KIF27: variants seen among roughly 807,000 people sequenced by gnomAD.
KIF27 encodes the protein kinesin family member 27.
In KIF27, 84 loss-of-function variants were observed where a neutral mutation model predicts 141.8. That is an observed-to-expected ratio of 0.59 (90% CI 0.50 to 0.71). The LOEUF (loss-of-function observed/expected upper bound fraction) is 0.71, where lower values mean the gene tolerates loss of function less well. Among genes scored for constraint, KIF27 ranks in the 30% least tolerant of loss-of-function variants. The probability of loss-of-function intolerance (pLI) is 0.00; values close to 1 mark genes in which losing one functional copy is unlikely to be tolerated. For missense variants in KIF27, 1,306 were observed against 1,628.4 expected (o/e 0.80, Z 3.41); for synonymous variants, 471 against 569.5 (o/e 0.83, Z 2.46).
chr9:83,895,592 T>C (rs1346215284), intron 5 of KIF27, among the ~76,000 whole-genome samples: 1 of 151,804 alleles, frequency 6.6e-6, no homozygotes, highest in South Asian at 2.1e-4. Context: ...TGAGACAAAA[T>C]TCACATACTA....
Position 83,859,204 on chromosome 9 carries a change from T to C in KIF27, c.3102A>G (p.Arg1034=). The C allele has an allele frequency of 6.2e-7, 1 of 1,614,186 alleles. No individual in the cohort carries two copies. Among genetic ancestry groups the C allele is most frequent in the South Asian group, 1.1e-5 (1 of 91,082 alleles). ...TTTTAAGTTTTTCATCCACATTGTG[T>C]CTGCGTTTCTGGAGCTGATCCTTTT... ...QKEKDQLQKR[R]HNVDEKLKNG... is the part of the protein sequence containing the mutation. Residue 1034 remains arginine (R), a synonymous_variant, in exon 14 of 18, where the codon AGA becomes AGG. Transcript: ENST00000297814.
intron 11 of KIF27, among the ~76,000 whole-genome samples, chr9:83,872,256 G>A (rs1950857167): frequency 6.6e-6 from 1 of 152,138 alleles, no homozygotes; most frequent in Non-Finnish European, 1.5e-5. Flanking sequence ...GCAGAGTACG[G>A]TGAGCTGAGA....
chr9:83,871,209 C>CCAGCATAAGT (rs1252563152), intron 11 of KIF27, among the ~76,000 whole-genome samples: 2 of 152,094 alleles, frequency 1.3e-5, no homozygotes, highest in African/African-American at 2.4e-5. Flanking sequence ...GCATAAGTCA[C>CCAGCATAAGT]CATGCTCAGC....
chr9:83,888,941 T>C, intron 7 of KIF27, 143 bp downstream of exon 7: 1 of 888,014 alleles, frequency 1.1e-6, no homozygotes, highest in Non-Finnish European at 1.6e-6. Flanking sequence ...TCATAACACA[T>C]TAGATGATAG....
At chr9:83,906,488 T>A (rs1954549464) in intron 3 of KIF27, among the ~76,000 whole-genome samples, 2 of 151,778 alleles carry the variant, frequency 1.3e-5, no homozygotes, top group African/African-American at 4.8e-5. Flanking sequence ...CCCCTGTAAT[T>A]CTAGCACTTT....
chr9:83,896,068 A>C (rs1458995028), intron 5 of KIF27, among the ~76,000 whole-genome samples: 50 of 149,174 alleles, frequency 3.4e-4, no homozygotes, highest in South Asian at 6.3e-4. Flanking sequence ...AAAAAAAAAA[A>C]AAAAAAACAA....
chr9:83,861,033 A>G (rs918650327), intron 13 of KIF27, among the ~76,000 whole-genome samples: 6 of 152,086 alleles, frequency 3.9e-5, no homozygotes, highest in Non-Finnish European at 8.8e-5. Flanking sequence ...TGAGAAGTCC[A>G]ATGCCATTCT....
intron 2 of KIF27, among the ~76,000 whole-genome samples, chr9:83,910,570 C>G (rs1233341568): frequency 1.3e-5 from 2 of 152,168 alleles, no homozygotes; most frequent in Non-Finnish European, 2.9e-5. Flanking sequence ...CAAGAAAAGA[C>G]AGGGACGTAA....
chr9:83,856,416 G>A lies in KIF27; in HGVS notation c.3151-2581C>T, dbSNP rs541340302. Among the ~76,000 whole-genome samples, 14 of 152,032 alleles carry A rather than the reference G, an allele frequency of 9.2e-5. No homozygotes were observed. In the East Asian group the frequency reaches 2.5e-3, roughly 27 times the overall value. ...GAGGTCAGGAGTTCGAGACCAGCCT[G>A]ACCAACATGGCGAAACCTCATCTCT... is the stretch of plus-strand genomic sequence containing the variant. On this transcript the variant is annotated intron_variant, in intron 14 of 17. Coordinates refer to ENST00000297814, the MANE Select transcript of KIF27 (RefSeq NM_017576.4).
chr9:83,902,193 T>A (rs1220785391), intron 4 of KIF27, among the ~76,000 whole-genome samples: 1 of 152,156 alleles, frequency 6.6e-6, no homozygotes, highest in Non-Finnish European at 1.5e-5. Context: ...GATAGAGAAA[T>A]AAGCTTAGAG....
intron 11 of KIF27, among the ~76,000 whole-genome samples, chr9:83,874,717 T>A (rs1341474693): frequency 6.6e-6 from 1 of 152,060 alleles, no homozygotes; most frequent in East Asian, 1.9e-4. Context: ...GAGGATCACT[T>A]GAGCCCAGGA....
intron 11 of KIF27, among the ~76,000 whole-genome samples, chr9:83,879,765 T>C (rs1564360501): frequency 1.3e-5 from 2 of 152,212 alleles, no homozygotes; most frequent in African/African-American, 2.4e-5. Flanking sequence ...CTGAGTGAGC[T>C]AGGATTTGAA....
rs555726332 is a variant in KIF27 at position 83,853,999 on chromosome 9, G to C, written c.3151-164C>G. Among the ~76,000 whole-genome samples, 3 of 152,288 alleles carry C rather than the reference G, an allele frequency of 2.0e-5. No homozygotes were observed. The South Asian group carries it at 6.2e-4, about 32-fold the overall frequency. ...CGCTTGCTATGCCACATAATGCAGT[G>C]TGTGTATACATGTGTGTATACACAC... On this transcript the variant is annotated intron_variant, in intron 14 of 17. Transcript: ENST00000297814.
chr9:83,848,848 C>A (rs1194249612), intron 16 of KIF27: 3 of 151,330 alleles, frequency 2.0e-5, no homozygotes. Flanking sequence ...GGTCTTAACT[C>A]TGTCACCCAG....
chr9:83,916,605 T>C (rs972681454), intron 1 of KIF27, among the ~76,000 whole-genome samples: 11 of 152,182 alleles, frequency 7.2e-5, no homozygotes, highest in African/African-American at 2.7e-4. Context: ...ATGGCTGTAG[T>C]TTCCTGGCTA....
intron 11 of KIF27, among the ~76,000 whole-genome samples, chr9:83,872,640 C>T (rs1319345108): frequency 1.3e-5 from 2 of 152,088 alleles, no homozygotes; most frequent in Non-Finnish European, 2.9e-5. Context: ...AAATTTATAA[C>T]AAAATAAAAA....
At chr9:83,842,827 A>G (rs1355631830) in intron 16 of KIF27, among the ~76,000 whole-genome samples, 1 of 152,140 alleles carries the variant, frequency 6.6e-6, no homozygotes, top group Non-Finnish European at 1.5e-5. Context: ...CATGTTACAC[A>G]TATCTGTTAC....
chr9:83,915,069 T>C (rs1955555405), intron 2 of KIF27, among the ~76,000 whole-genome samples: 1 of 152,228 alleles, frequency 6.6e-6, no homozygotes, highest in Non-Finnish European at 1.5e-5. Context: ...ATTTTAAACT[T>C]CTTTCCTCAA....
rs761437228 is a variant in KIF27, at chr9:83,864,046, G to A, written c.2934+3638C>T. 1.1e-3 allele frequency among the ~76,000 whole-genome samples: 169 copies of A among 151,880 alleles called. 1 individual carries two copies. The highest frequency in any genetic ancestry group is 6.8e-3 in the Middle Eastern group (2 of 294). Reference sequence around the variant, plus strand: ...TATCCCCTTTATCATTTTTTATTGCGTCTATTTGATTCTTCTCTCTTTTCT... The same window carrying A: ...TATCCCCTTTATCATTTTTTATTGCATCTATTTGATTCTTCTCTCTTTTCT... On this transcript the variant is annotated intron_variant, in intron 13 of 17. Transcript: ENST00000297814.
Sources: allele counts gnomAD v4.1 joint callset (sites outside exome capture counted in the v4.1 genomes callset), GRCh38; gene constraint gnomAD v4.1.1; transcripts MANE v1.5; gene names NCBI Gene and HGNC (gene_info 2026-07-23, HGNC 2026-07-21).